The following CRYBB3 variants were observed in gnomAD, a reference collection of about 807,000 sequenced individuals.
CRYBB3 encodes crystallin beta B3.
Under a neutral mutation model 28.3 loss-of-function variants are expected in CRYBB3, and 35 were observed. The observed-to-expected ratio is 1.24, with a 90% CI of 0.95 to 1.64. The LOEUF (loss-of-function observed/expected upper bound fraction) is 1.64. CRYBB3 is among the 40% of genes most tolerant of loss of function. The pLI is 0.00. For synonymous variants in CRYBB3, 106 were observed against 110.4 expected (o/e 0.96, Z 0.25); for missense variants, 296 against 297.4 (o/e 1.00, Z 0.04).
intron 2 of CRYBB3, among the ~76,000 whole-genome samples, chr22:25,202,370 C>T (rs528516785): frequency 3.7e-4 from 57 of 152,298 alleles, no homozygotes; most frequent in African/African-American, 1.3e-3. Context: ...ACCTCATTCC[C>T]TCATCGCCAG....
chr22:25,206,318 C>G (rs146673340), intron 5 of CRYBB3, among the ~76,000 whole-genome samples: 1 of 152,060 alleles, frequency 6.6e-6, no homozygotes, highest in Non-Finnish European at 1.5e-5. Flanking sequence ...CCGAAGTGGG[C>G]GGATCACCTG....
intron 1 of CRYBB3, among the ~76,000 whole-genome samples, 173 bp from the exon 2 acceptor site, chr22:25,201,204 C>T (rs1031354099): frequency 2.6e-5 from 4 of 152,168 alleles, no homozygotes; most frequent in Non-Finnish European, 4.4e-5. Flanking sequence ...TCTCAGTCCA[C>T]GTGGCCCATG....
rs139163387 is a variant in CRYBB3 at position 25,201,404 on chromosome 22, A to G, written c.8A>G (p.Glu3Gly). The change falls in exon 2 of 6, where the codon GAA becomes GGA. Residue 3 changes from glutamate to glycine, a missense_variant. Transcript: ENST00000215855. Reference sequence around the variant, plus strand: ...AGAGGTGTTCCTGGGGAGATGGCGGAACAGCACGGAGCACCCGAACAGGCT... The same window carrying G: ...AGAGGTGTTCCTGGGGAGATGGCGGGACAGCACGGAGCACCCGAACAGGCT... MA[E>G]QHGAPEQAAA... 33 of 1,613,286 alleles carry G rather than the reference A, an allele frequency of 2.0e-5. No homozygotes were observed. In the African/African-American group the frequency reaches 3.2e-4, roughly 16 times the overall value.
chr22:25,201,618 C>A, intron 2 of CRYBB3, 147 bp downstream of exon 2: 1 of 1,399,172 alleles, frequency 7.1e-7, no homozygotes, highest in Non-Finnish European at 9.4e-7. Context: ...GGTCCTCTCA[C>A]TGCCACCCTC....
chr22:25,200,946 A>G (rs1210009236), intron 1 of CRYBB3, among the ~76,000 whole-genome samples: 2 of 152,216 alleles, frequency 1.3e-5, no homozygotes, highest in African/African-American at 4.8e-5. Flanking sequence ...TGGAGTACGG[A>G]GGTGGGAGAG....
At position 25,203,866 on chromosome 22, in the gene CRYBB3, A is replaced by C. The variant is rs1346019457; in HGVS notation, c.298A>C (p.Ser100Arg). 1 of 1,614,088 alleles carries C rather than the reference A, an allele frequency of 6.2e-7. No homozygotes were observed. The highest frequency in any genetic ancestry group is 1.3e-5 in the African/African-American group (1 of 74,932). The change falls in exon 4 of 6, where the codon AGC becomes CGC. Residue 100 changes from serine (S) to arginine (R), a missense_variant. Physicochemically the swap from Ser to Arg is moderately radical, Grantham distance 110. Coordinates refer to ENST00000215855, the MANE Select transcript of CRYBB3 (RefSeq NM_004076.5). ...CTGGTCCAACAGCCGTGATAGTGAC[A>C]GCCTTCTGTCCCTCCGGCCTCTGAA... ...DAWSNSRDSDSLLSLRPLNID... is the reference protein window; with the variant it reads ...DAWSNSRDSDRLLSLRPLNID...
At chr22:25,206,983 T>C in intron 5 of CRYBB3, 64 bp from the exon 6 acceptor site, 5 of 1,250,896 alleles carry the variant, frequency 4.0e-6, no homozygotes, top group Non-Finnish European at 5.9e-6. Flanking sequence ...CATGGTCAGA[T>C]GCTGGCTGGA....
intron 4 of CRYBB3, among the ~76,000 whole-genome samples, chr22:25,204,331 A>G (rs1199854273): frequency 6.6e-6 from 1 of 152,072 alleles, no homozygotes; most frequent in Non-Finnish European, 1.5e-5. Context: ...TTGTTTATTT[A>G]TTTATTTTTC....
chr22:25,207,037 C>G lies in CRYBB3; in HGVS notation c.471-10C>G, dbSNP rs891445627. On this transcript the variant is annotated splice_polypyrimidine_tract_variant and intron_variant, in intron 5 of 5. Coordinates refer to ENST00000215855, the MANE Select transcript of CRYBB3 (RefSeq NM_004076.5). ...AGACCGTCCACATCTCAACCTTGGT[C>G]TCCCGGCAGGTGGGTTGGCTATGAG... 6.2e-7 allele frequency: 1 copy of G among 1,610,288 alleles called. No homozygotes were observed. Among genetic ancestry groups the G allele is most frequent in the African/African-American group, 1.3e-5 (1 of 74,842 alleles).
intron 5 of CRYBB3, 118 bp downstream of exon 5, chr22:25,205,480 G>A: frequency 1.6e-6 from 2 of 1,245,082 alleles, no homozygotes; most frequent in Admixed American, 3.4e-5. Flanking sequence ...TTATTTTTGA[G>A]ACGGAGTCTT....
At chr22:25,205,553 G>A (rs899097349) in intron 5 of CRYBB3, among the ~76,000 whole-genome samples, 191 bp downstream of exon 5, 25 of 152,176 alleles carry the variant, frequency 1.6e-4, no homozygotes, top group African/African-American at 2.9e-4. Context: ...TCCGCCTCCC[G>A]GGTTCATGCC....
At position 25,207,128 on chromosome 22, in the gene CRYBB3, G is replaced by C. The variant is rs200038978; in HGVS notation, c.552G>C (p.Trp184Cys). 1.9e-5 allele frequency: 30 copies of C among 1,613,662 alleles called. No individual in the cohort carries two copies. The African/African-American group carries it at 3.7e-4, about 20-fold the overall frequency. The change falls in exon 6 of 6, where the codon TGG becomes TGC. Residue 184 changes from tryptophan (W) to cysteine (C), a missense_variant. By Grantham distance (215) the Trp-to-Cys change is radical. Coordinates refer to ENST00000215855, the MANE Select transcript of CRYBB3 (RefSeq NM_004076.5). ...ERGEYRHWNE[W>C]DASQPQLQSV... ...GCGAGTACCGCCACTGGAATGAGTG[G>C]GACGCCAGCCAGCCGCAGCTGCAGT...
chr22:25,204,008 G>GC, intron 4 of CRYBB3, 113 bp downstream of exon 4: 1 of 1,290,274 alleles, frequency 7.8e-7, no homozygotes, highest in Non-Finnish European at 1.1e-6. Flanking sequence ...TATGGACCTG[G>GC]CCTGGGAAGG....
chr22:25,205,203 CA>C lies in CRYBB3; in HGVS notation c.328-16del. On this transcript the variant is annotated splice_polypyrimidine_tract_variant and intron_variant, in intron 4 of 5. Transcript: ENST00000215855. ...TGGATATGGGAGCAGCCGCTCACCC[CA>C]CGATATTGCCCTCAGGATAGTCCAC... 6.2e-7 allele frequency: 1 copy of C among 1,613,554 alleles called. No individual in the cohort carries two copies. The highest frequency in any genetic ancestry group is 8.5e-7 in the Non-Finnish European group (1 of 1,179,706).
At chr22:25,202,583 G>A in intron 2 of CRYBB3, 91 bp from the exon 3 acceptor site, 1 of 1,602,386 alleles carries the variant, frequency 6.2e-7, no homozygotes, top group Non-Finnish European at 8.5e-7. Flanking sequence ...GCAGAAAGCA[G>A]AGGGTACCTC....
chr22:25,201,394 G>T lies in CRYBB3; in HGVS notation c.-3G>T. The T allele has an allele frequency of 6.2e-7, 1 of 1,613,380 alleles. No homozygotes were observed. The highest frequency in any genetic ancestry group is 8.5e-7 in the Non-Finnish European group (1 of 1,179,576). ...GTTTGAAGCCAGAGGTGTTCCTGGG[G>T]AGATGGCGGAACAGCACGGAGCACC... is the stretch of plus-strand genomic sequence containing the variant. On this transcript the variant is annotated 5_prime_UTR_variant, in exon 2 of 6. Transcript: ENST00000215855.
intron 4 of CRYBB3, 114 bp from the exon 5 acceptor site, chr22:25,205,106 T>C: frequency 7.2e-7 from 1 of 1,392,900 alleles, no homozygotes; most frequent in Non-Finnish European, 1.0e-6. Context: ...TGCAGCAGGT[T>C]TGGGGGTGGG....
At chr22:25,204,193 A>G (rs1195431359) in intron 4 of CRYBB3, among the ~76,000 whole-genome samples, 1 of 152,262 alleles carries the variant, frequency 6.6e-6, no homozygotes, top group Non-Finnish European at 1.5e-5. Flanking sequence ...GTCTCAAATC[A>G]GTATTGTTAT....
chr22:25,201,670 G>C (rs544783292), intron 2 of CRYBB3, among the ~76,000 whole-genome samples, 199 bp downstream of exon 2: 8 of 152,088 alleles, frequency 5.3e-5, no homozygotes, highest in Admixed American at 5.2e-4. Flanking sequence ...ATCTTCCCTC[G>C]TCTGCAAAAC....
Sources: allele counts gnomAD v4.1 joint callset (sites outside exome capture counted in the v4.1 genomes callset), GRCh38; gene constraint gnomAD v4.1.1; transcripts MANE v1.5; gene names NCBI Gene and HGNC (gene_info 2026-07-23, HGNC 2026-07-21).